Variants in TIA1 observed in about 807,000 individuals in gnomAD.
TIA1 encodes the protein TIA1 cytotoxic granule associated RNA binding protein.
Under a neutral mutation model 65.9 loss-of-function variants are expected in TIA1, and 23 were observed. That is an observed-to-expected ratio of 0.35 (90% CI 0.25 to 0.49). TIA1 has a LOEUF of 0.49. TIA1 is among the 20% of genes least tolerant of loss of function. The pLI, the probability that TIA1 is intolerant of heterozygous loss-of-function variation, is 0.98. For missense variants in TIA1, 371 were observed against 477.9 expected (o/e 0.78, Z 2.09); for synonymous variants, 147 against 149.4 (o/e 0.98, Z 0.12).
At chr2:70,233,525 T>C (rs1353494083) in intron 2 of TIA1, among the ~76,000 whole-genome samples, 1 of 152,130 alleles carries the variant, frequency 6.6e-6, no homozygotes, top group African/African-American at 2.4e-5. Context: ...TCCCAGCACT[T>C]TGGGAAGCTG....
In TIA1 at chr2:70,238,019, G is replaced by A. The variant is rs185214307; in HGVS notation, c.27-1844C>T. Among the ~76,000 whole-genome samples the A allele has an allele frequency of 6.5e-4, 99 of 151,718 alleles. 1 individual carries two copies. The highest frequency in any genetic ancestry group is 5.3e-4 in the Non-Finnish European group (36 of 67,906). ...TAATAAAAATATAAAAAATTAGCTGGGCGTGGTGGTGGGCGCCTGTAGTCC... is the reference window on the plus strand; with the variant it reads ...TAATAAAAATATAAAAAATTAGCTGAGCGTGGTGGTGGGCGCCTGTAGTCC... On this transcript the variant is annotated intron_variant, in intron 1 of 12. Coordinates refer to ENST00000433529, the MANE Select transcript of TIA1 (RefSeq NM_022173.4).
intron 7 of TIA1, among the ~76,000 whole-genome samples, chr2:70,219,630 T>C (rs892721080): frequency 7.9e-5 from 12 of 151,932 alleles, no homozygotes; most frequent in Non-Finnish European, 1.3e-4. Flanking sequence ...ACCAACAAGG[T>C]TGGCTGTTTT....
intron 1 of TIA1, among the ~76,000 whole-genome samples, chr2:70,242,384 T>C (rs892249363): frequency 1.1e-4 from 16 of 147,682 alleles, no homozygotes; most frequent in Non-Finnish European, 1.6e-4. Flanking sequence ...CACAAAAAAT[T>C]AGCCAAGTGT....
intron 1 of TIA1, among the ~76,000 whole-genome samples, chr2:70,238,487 G>A (rs1690153063): frequency 6.6e-6 from 1 of 151,276 alleles, no homozygotes. Context: ...TGGCCAGGCT[G>A]GTACCCCCAA....
intron 1 of TIA1, among the ~76,000 whole-genome samples, chr2:70,241,759 G>A (rs1691863843): frequency 6.6e-6 from 1 of 152,054 alleles, no homozygotes; most frequent in African/African-American, 2.4e-5. Flanking sequence ...GGGCAACATA[G>A]TGATATGCAC....
chr2:70,227,745 C>T lies in TIA1; in HGVS notation c.388G>A (p.Gly130Arg). The T allele has an allele frequency of 6.3e-7, 1 of 1,584,038 alleles. No individual in the cohort carries two copies. Among genetic ancestry groups the T allele is most frequent in the Non-Finnish European group, 8.6e-7 (1 of 1,162,074 alleles). The change falls in exon 6 of 13, where the codon GGA (glycine) becomes AGA (arginine). Residue 130 changes from glycine to arginine, a missense_variant. Physicochemically the swap from Gly to Arg is moderately radical, Grantham distance 125 (BLOSUM62 -2). Coordinates refer to ENST00000433529, the MANE Select transcript of TIA1 (RefSeq NM_022173.4). Reference sequence around the variant, plus strand: ...TCTTCTGTTACTTACGATATTCTTCCAAATGGTGCAAAAGCAGCTTTTATA... The same window carrying T: ...TCTTCTGTTACTTACGATATTCTTCTAAATGGTGCAAAAGCAGCTTTTATA... ...EDIKAAFAPFGRISDARVVKD... is the reference protein window; with the variant it reads ...EDIKAAFAPFRRISDARVVKD...
intron 3 of TIA1, among the ~76,000 whole-genome samples, chr2:70,229,590 A>C (rs1239499597): frequency 6.6e-6 from 1 of 152,064 alleles, no homozygotes; most frequent in Non-Finnish European, 1.5e-5. Flanking sequence ...TTCCATTAGC[A>C]TCCAAGCTTG....
rs1311512131 is a variant in TIA1 at position 70,209,797 on chromosome 2, G to GT, written c.*2921dup. The GT allele has an allele frequency of 5.0e-6, 2 of 397,824 alleles. No homozygotes were observed. Among genetic ancestry groups the GT allele is most frequent in the African/African-American group, 2.1e-5 (1 of 48,574 alleles). 24.6% of individuals were successfully genotyped at this position (397,824 alleles called of 1,614,324 possible). A position where few individuals can be genotyped will look rare whatever the true frequency, so the allele number is the denominator to read the frequency against. On this transcript the variant is annotated 3_prime_UTR_variant, in exon 13 of 13. Coordinates refer to ENST00000433529, the MANE Select transcript of TIA1 (RefSeq NM_022173.4). ...TTCTTATTTCCTGTAAGTACATTTCGTTTTTCTAATTCAACTGTAACCTCA... is the reference window on the plus strand; with the variant it reads ...TTCTTATTTCCTGTAAGTACATTTCGTTTTTTCTAATTCAACTGTAACCTCA...
chr2:70,230,595 T>G (rs1013793832), intron 3 of TIA1, among the ~76,000 whole-genome samples, 161 bp downstream of exon 3: 2 of 147,602 alleles, frequency 1.4e-5, no homozygotes, highest in African/African-American at 5.0e-5. Flanking sequence ...GAGGTTGCAG[T>G]GAGCCAAGAC....
chr2:70,237,542 A>T (rs1003230419), intron 1 of TIA1, among the ~76,000 whole-genome samples: 9 of 151,964 alleles, frequency 5.9e-5, no homozygotes, highest in African/African-American at 2.2e-4. Context: ...AAACACTCAA[A>T]TGAATCATCA....
chr2:70,214,313 C>G (rs756171008), intron 12 of TIA1, 36 bp downstream of exon 12: 27 of 1,570,618 alleles, frequency 1.7e-5, no homozygotes, highest in Non-Finnish European at 2.3e-5. Flanking sequence ...TAGACATTTT[C>G]AAAGGTTAGT....
chr2:70,248,777 C>T (rs1042731299), upstream of TIA1: 29 of 387,324 alleles, frequency 7.5e-5, no homozygotes, highest in Non-Finnish European at 1.2e-4. Flanking sequence ...ACGCGAGGGA[C>T]GCCTCAGACT....
At chr2:70,227,507 C>T (rs1283091308) in intron 6 of TIA1, among the ~76,000 whole-genome samples, 1 of 151,940 alleles carries the variant, frequency 6.6e-6, no homozygotes, top group East Asian at 1.9e-4. Context: ...CTCTTAAGAG[C>T]TATGCTAATT....
Position 70,214,360 on chromosome 2 carries a change from C to T in TIA1, c.1023G>A (p.Gln341=). 2 of 1,611,814 alleles carry T rather than the reference C, an allele frequency of 1.2e-6. No homozygotes were observed. Among genetic ancestry groups the T allele is most frequent in the Non-Finnish European group, 8.5e-7 (1 of 1,179,238 alleles). ...AYGMYGQAWN[Q]QGFNQTQSSA... is the part of the protein sequence containing the mutation. ...TAAGATATGCTTACTTAAATCCTTG[C>T]TGGTTCCATGCCTGGCCATACATTC... Residue 341 remains glutamine, a synonymous_variant, in exon 12 of 13, where the codon CAG becomes CAA. Coordinates refer to ENST00000433529, the MANE Select transcript of TIA1 (RefSeq NM_022173.4).
intron 2 of TIA1, among the ~76,000 whole-genome samples, chr2:70,231,939 A>C (rs1209755156): frequency 1.3e-5 from 2 of 152,158 alleles, no homozygotes; most frequent in African/African-American, 4.8e-5. Flanking sequence ...GCAGTGGCTC[A>C]TGCCTGTAAT....
intron 3 of TIA1, 63 bp from the exon 4 acceptor site, chr2:70,229,381 T>A (rs540974704): frequency 7.3e-7 from 1 of 1,368,562 alleles, no homozygotes; most frequent in Non-Finnish European, 1.0e-6. Context: ...CACATTTGTA[T>A]CTATAAACAC....
intron 1 of TIA1, among the ~76,000 whole-genome samples, chr2:70,246,390 A>T (rs1694311202): frequency 6.6e-6 from 1 of 152,246 alleles, no homozygotes; most frequent in Non-Finnish European, 1.5e-5. Context: ...CATTAAAATT[A>T]AAAACACTAT....
At chr2:70,229,959 C>T (rs962952393) in intron 3 of TIA1, among the ~76,000 whole-genome samples, 3 of 150,070 alleles carry the variant, frequency 2.0e-5, no homozygotes, top group African/African-American at 7.4e-5. Flanking sequence ...ACAAAAAAAC[C>T]TGGGGACGGT....
At chr2:70,239,383 C>A (rs982602497) in intron 1 of TIA1, among the ~76,000 whole-genome samples, 8 of 152,102 alleles carry the variant, frequency 5.3e-5, no homozygotes, top group Non-Finnish European at 1.2e-4. Flanking sequence ...TGAGCCACTG[C>A]GCCCGGCCAA....
Sources: gnomAD v4.1 joint callset for allele counts (sites outside exome capture counted in the v4.1 genomes callset) on GRCh38, gnomAD v4.1.1 for gene constraint, MANE v1.5 for transcripts, NCBI Gene and HGNC (gene_info 2026-07-23, HGNC 2026-07-21) for gene names.